PTPRD: variants seen among roughly 807,000 people sequenced by gnomAD.
PTPRD encodes protein tyrosine phosphatase receptor type D.
Under a neutral mutation model 214.5 loss-of-function variants are expected in PTPRD, and 34 were observed. That is an observed-to-expected ratio of 0.16 (90% CI 0.12 to 0.21). The LOEUF (loss-of-function observed/expected upper bound fraction) is 0.21. Among genes scored for constraint, PTPRD ranks in the 10% least tolerant of loss-of-function variants. The pLI is 1.00. For missense variants in PTPRD, 2,545 were observed against 2,398.7 expected (o/e 1.06, Z -1.27); for synonymous variants, 1,128 against 845.7 (o/e 1.33, Z -5.79).
chr9:9,703,084 G>A (rs1161993040), intron 7 of PTPRD, among the ~76,000 whole-genome samples: 2 of 152,170 alleles, frequency 1.3e-5, no homozygotes, highest in Non-Finnish European at 2.9e-5. Context: ...GATAAGAGGT[G>A]ATTGGATGGT....
At chr9:9,726,034 T>A (rs1055061787) in intron 7 of PTPRD, among the ~76,000 whole-genome samples, 1 of 152,196 alleles carries the variant, frequency 6.6e-6, no homozygotes, top group East Asian at 1.9e-4. Flanking sequence ...GAAACAGTAT[T>A]AATTTGATTT....
chr9:9,027,569 T>C (rs919282131), intron 10 of PTPRD, among the ~76,000 whole-genome samples: 10 of 152,090 alleles, frequency 6.6e-5, no homozygotes, highest in Non-Finnish European at 1.2e-4. Context: ...TTAATTTCCC[T>C]AATTCCAGTT....
Position 8,768,618 on chromosome 9 carries a change from A to T in PTPRD, c.-103-34672T>A, listed in dbSNP as rs190160430. On this transcript the variant is annotated intron_variant, in intron 11 of 45. Coordinates refer to ENST00000381196, the MANE Select transcript of PTPRD (RefSeq NM_002839.4). ...ATTAAACCTTTAACTACAAAATGAC[A>T]CCCAGCTAAAAAGTAAAAAATGTAA... Among the ~76,000 whole-genome samples the T allele has an allele frequency of 8.5e-5, 13 of 152,300 alleles. No homozygotes were observed. The East Asian group carries it at 2.5e-3, about 29-fold the overall frequency.
intron 2 of PTPRD, among the ~76,000 whole-genome samples, chr9:10,429,723 G>A (rs917661771): frequency 6.6e-6 from 1 of 151,162 alleles, no homozygotes; most frequent in African/African-American, 2.4e-5. Flanking sequence ...GATAGATAAT[G>A]AAGACTCAGG....
intron 9 of PTPRD, among the ~76,000 whole-genome samples, chr9:9,286,887 T>C (rs1462369423): frequency 1.1e-4 from 1 of 9,456 alleles, no homozygotes; most frequent in African/African-American, 6.4e-4. Context: ...TATATATATA[T>C]ATATATATAT....
intron 5 of PTPRD, among the ~76,000 whole-genome samples, chr9:9,773,843 T>C (rs1417888983): frequency 2.0e-5 from 3 of 152,018 alleles, no homozygotes; most frequent in Admixed American, 6.5e-5. Context: ...CACAGAAATC[T>C]TGGGGAAAAA....
chr9:9,369,708 T>C (rs2058909132), intron 9 of PTPRD, among the ~76,000 whole-genome samples: 1 of 152,172 alleles, frequency 6.6e-6, no homozygotes, highest in South Asian at 2.1e-4. Flanking sequence ...TGAATGGTAT[T>C]GCCTAGGTTT....
chr9:8,721,964 T>C (rs1159252545), intron 12 of PTPRD, among the ~76,000 whole-genome samples: 1 of 152,230 alleles, frequency 6.6e-6, no homozygotes, highest in Non-Finnish European at 1.5e-5. Context: ...ATTGGGTGAT[T>C]TTGCCCCCCT....
intron 8 of PTPRD, among the ~76,000 whole-genome samples, chr9:9,482,725 A>T (rs2095470495): frequency 6.6e-6 from 1 of 152,208 alleles, no homozygotes; most frequent in Non-Finnish European, 1.5e-5. Flanking sequence ...TTGTTTATAA[A>T]CAGAAATTAC....
Position 8,695,265 on chromosome 9 carries a change from G to A in PTPRD, c.64+38515C>T, listed in dbSNP as rs187057523. Among the ~76,000 whole-genome samples the A allele has an allele frequency of 6.4e-4, 98 of 152,246 alleles. 1 individual carries two copies. The highest frequency in any genetic ancestry group is 2.2e-3 in the African/African-American group (91 of 41,536). On this transcript the variant is annotated intron_variant, in intron 12 of 45. Transcript: ENST00000381196. Reference sequence around the variant, plus strand: ...TTCTCAAAAACTCCCCAGTGTATTTGCTCTAAATTTTCATTCACCAGGATT... The same window carrying A: ...TTCTCAAAAACTCCCCAGTGTATTTACTCTAAATTTTCATTCACCAGGATT...
At chr9:8,631,097 C>T (rs2096238461) in intron 14 of PTPRD, among the ~76,000 whole-genome samples, 1 of 151,758 alleles carries the variant, frequency 6.6e-6, no homozygotes, top group Non-Finnish European at 1.5e-5. Flanking sequence ...ATATGAACAC[C>T]TGAAAAATGA....
chr9:8,861,328 C>G (rs576454646), intron 11 of PTPRD: 3 of 151,990 alleles, frequency 2.0e-5, no homozygotes, highest in Non-Finnish European at 2.9e-5. Context: ...ACTTCATGAC[C>G]TTATGTGGGT....
chr9:10,160,084 C>T (rs2099118380), intron 3 of PTPRD, among the ~76,000 whole-genome samples: 2 of 151,664 alleles, frequency 1.3e-5, no homozygotes, highest in Non-Finnish European at 2.9e-5. Context: ...TATTTAATGC[C>T]AAAAAGAAAC....
chr9:9,066,781 C>T (rs750783889), intron 10 of PTPRD, among the ~76,000 whole-genome samples: 5 of 152,140 alleles, frequency 3.3e-5, no homozygotes, highest in African/African-American at 1.2e-4. Flanking sequence ...GGAAGATAAA[C>T]GGGACGGGCT....
intron 11 of PTPRD, among the ~76,000 whole-genome samples, chr9:8,781,592 T>C (rs1038480572): frequency 2.0e-5 from 3 of 152,178 alleles, no homozygotes; most frequent in Non-Finnish European, 2.9e-5. Context: ...CTCTATCATT[T>C]TCTAAGCTTT....
At chr9:9,187,434 C>T (rs572225378) in intron 9 of PTPRD, among the ~76,000 whole-genome samples, 2 of 152,118 alleles carry the variant, frequency 1.3e-5, no homozygotes, top group East Asian at 3.9e-4. Flanking sequence ...CCTAAAGGTA[C>T]CTGTCTTATG....
intron 7 of PTPRD, among the ~76,000 whole-genome samples, chr9:9,622,118 T>G (rs2095263878): frequency 6.6e-6 from 1 of 152,186 alleles, no homozygotes; most frequent in South Asian, 2.1e-4. Flanking sequence ...AAGAATAATT[T>G]GATGTGATTG....
At chr9:8,865,219 T>A (rs2098175310) in intron 11 of PTPRD, among the ~76,000 whole-genome samples, 2 of 152,194 alleles carry the variant, frequency 1.3e-5, no homozygotes, top group South Asian at 4.1e-4. Context: ...AATTTTTCAG[T>A]ACAGGAGGCA....
chr9:10,560,152 C>G (rs1412944662), intron 2 of PTPRD, among the ~76,000 whole-genome samples: 1 of 152,058 alleles, frequency 6.6e-6, no homozygotes, highest in African/African-American at 2.4e-5. Flanking sequence ...AGACATGGAA[C>G]CAACCCAAAT....
Sources: allele counts gnomAD v4.1 joint callset (sites outside exome capture counted in the v4.1 genomes callset), GRCh38; gene constraint gnomAD v4.1.1; transcripts MANE v1.5; gene names NCBI Gene and HGNC (gene_info 2026-07-23, HGNC 2026-07-21).